Variants in SYT9 observed in about 807,000 individuals in gnomAD.
The protein encoded by SYT9 is synaptotagmin 9.
SYT9 carries 22 observed loss-of-function variants against 48.4 expected under a neutral mutation model. That is an observed-to-expected ratio of 0.45 (90% CI 0.32 to 0.65). The LOEUF (loss-of-function observed/expected upper bound fraction) is 0.65, where lower values mean the gene tolerates loss of function less well. SYT9 is among the 30% of genes least tolerant of loss of function. The probability of loss-of-function intolerance (pLI) is 0.03; values close to 1 mark genes in which losing one functional copy is unlikely to be tolerated. For missense variants in SYT9, 577 were observed against 622.0 expected, an observed-to-expected ratio of 0.93 and a Z score of 0.77; for synonymous variants, 265 against 245.0, an observed-to-expected ratio of 1.08 and a Z score of -0.76.
intron 3 of SYT9, among the ~76,000 whole-genome samples, chr11:7,324,915 T>C (rs181258839): frequency 9.3e-4 from 141 of 152,248 alleles, no homozygotes; most frequent in African/African-American, 3.4e-3. Flanking sequence ...ATTGATAAAA[T>C]GTGTTTTTCA....
chr11:7,351,719 A>G (rs1849919035), intron 3 of SYT9, among the ~76,000 whole-genome samples: 2 of 152,224 alleles, frequency 1.3e-5, no homozygotes, highest in African/African-American at 2.4e-5. Flanking sequence ...AGCAAGCAAA[A>G]TATCCTCAAA....
At chr11:7,323,064 G>A (rs890210887) in intron 3 of SYT9, among the ~76,000 whole-genome samples, 4 of 151,878 alleles carry the variant, frequency 2.6e-5, no homozygotes, top group African/African-American at 9.7e-5. Context: ...ATATTATATG[G>A]TCTACAACAA....
chr11:7,441,534 G>C (rs66854429), intron 6 of SYT9: 23,558 of 152,144 alleles, frequency 0.15, 2,081 homozygotes, highest in African/African-American at 0.22. Flanking sequence ...GGTTAAGGAT[G>C]GGGGGTTCCG....
chr11:7,282,888 G>A (rs986585636), intron 1 of SYT9, among the ~76,000 whole-genome samples: 1 of 150,506 alleles, frequency 6.6e-6, no homozygotes, highest in African/African-American at 2.5e-5. Flanking sequence ...AATTATCCAA[G>A]TAATATATGC....
chr11:7,313,321 T>C, intron 2 of SYT9, 74 bp from the exon 3 acceptor site: 4 of 1,471,064 alleles, frequency 2.7e-6, no homozygotes, highest in Non-Finnish European at 3.6e-6. Flanking sequence ...TCTACCTACA[T>C]CCCAGGCAAA....
At chr11:7,391,803 C>T (rs1050260656) in intron 3 of SYT9, among the ~76,000 whole-genome samples, 2 of 145,256 alleles carry the variant, frequency 1.4e-5, no homozygotes, top group Non-Finnish European at 3.0e-5. Context: ...GTAGTCCCAG[C>T]TACTCGGGAA....
In SYT9 at chr11:7,344,005, C is replaced by T. The variant is rs1849757492; in HGVS notation, c.1044+30064C>T. Among the ~76,000 whole-genome samples the T allele has an allele frequency of 2.0e-5, 3 of 152,182 alleles. No homozygotes were observed. In the South Asian group the frequency reaches 6.2e-4, roughly 32 times the overall value. On this transcript the variant is annotated intron_variant, in intron 3 of 6. Coordinates refer to ENST00000318881, the MANE Select transcript of SYT9 (RefSeq NM_175733.4). ...AACTGCCCTCATGATTCAATTATCT[C>T]CCACCAGGTCCCTCTCACAACACAT...
chr11:7,295,471 A>G (rs1848783425), intron 1 of SYT9, among the ~76,000 whole-genome samples: 1 of 152,216 alleles, frequency 6.6e-6, no homozygotes, highest in South Asian at 2.1e-4. Flanking sequence ...TACTGTTCAT[A>G]TACTACCAAC....
At chr11:7,353,131 G>A (rs1849949326) in intron 3 of SYT9, among the ~76,000 whole-genome samples, 1 of 152,118 alleles carries the variant, frequency 6.6e-6, no homozygotes, top group South Asian at 2.1e-4. Flanking sequence ...GAAAAGTCAA[G>A]TTGGGACCTT....
At chr11:7,402,341 C>T (rs61888609) in intron 3 of SYT9, among the ~76,000 whole-genome samples, 23,187 of 151,906 alleles carry the variant, frequency 0.15, 2,199 homozygotes, top group Middle Eastern at 0.36. Flanking sequence ...TCAGTTAGGT[C>T]ATGTTGATTG....
intron 6 of SYT9, chr11:7,435,566 T>G (rs1350931588): frequency 1.3e-5 from 2 of 152,218 alleles, no homozygotes; most frequent in Non-Finnish European, 2.9e-5. Flanking sequence ...AATAACTGTA[T>G]TCCATAACTG....
chr11:7,371,945 C>A (rs1389390286), intron 3 of SYT9, among the ~76,000 whole-genome samples: 3 of 152,030 alleles, frequency 2.0e-5, no homozygotes, highest in South Asian at 2.1e-4. Flanking sequence ...TGTTTTCTTG[C>A]TAATATGAAT....
At chr11:7,411,318 T>C (rs1847133277) in intron 3 of SYT9, among the ~76,000 whole-genome samples, 1 of 152,232 alleles carries the variant, frequency 6.6e-6, no homozygotes, top group Admixed American at 6.5e-5. Context: ...CTCATTTGTG[T>C]GTTTGGTGTA....
Position 7,466,818 on chromosome 11 carries a change from G to A in SYT9, c.*18G>A, listed in dbSNP as rs1848346282. On this transcript the variant is annotated 3_prime_UTR_variant, in exon 7 of 7. Coordinates refer to ENST00000318881, the MANE Select transcript of SYT9 (RefSeq NM_175733.4). Reference sequence around the variant, plus strand: ...AACGATGACCATGGGTAAGAGGACTGCTTGTGCCAAGGACAAAATAGGACA... The same window carrying A: ...AACGATGACCATGGGTAAGAGGACTACTTGTGCCAAGGACAAAATAGGACA... The A allele has an allele frequency of 6.2e-7, 1 of 1,612,228 alleles. No individual in the cohort carries two copies. The highest frequency in any genetic ancestry group is 1.1e-5 in the South Asian group (1 of 90,288).
chr11:7,406,557 T>C (rs1365989939), intron 3 of SYT9, among the ~76,000 whole-genome samples: 1 of 148,712 alleles, frequency 6.7e-6, no homozygotes, highest in African/African-American at 2.5e-5. Flanking sequence ...TATATATATA[T>C]ATATATATAT....
At chr11:7,318,374 C>A (rs996712306) in intron 3 of SYT9, among the ~76,000 whole-genome samples, 1 of 151,600 alleles carries the variant, frequency 6.6e-6, no homozygotes, top group South Asian at 2.1e-4. Context: ...AGTGCAATGG[C>A]GCAATCAAGG....
intron 3 of SYT9, among the ~76,000 whole-genome samples, chr11:7,396,282 T>A (rs1024781139): frequency 1.3e-5 from 2 of 152,160 alleles, no homozygotes; most frequent in African/African-American, 4.8e-5. Flanking sequence ...GCTGTATTTT[T>A]GCTTTTCCTA....
chr11:7,446,856 T>A (rs1423448567), intron 6 of SYT9, among the ~76,000 whole-genome samples: 3 of 152,234 alleles, frequency 2.0e-5, no homozygotes, highest in Non-Finnish European at 4.4e-5. Flanking sequence ...TCCGCAGGCC[T>A]CCTGCAATCA....
chr11:7,406,072 C>G (rs1847002692), intron 3 of SYT9, among the ~76,000 whole-genome samples: 1 of 152,010 alleles, frequency 6.6e-6, no homozygotes, highest in South Asian at 2.1e-4. Flanking sequence ...ATATGGGGTA[C>G]ATATGAATAT....
Sources: allele counts gnomAD v4.1 joint callset (sites outside exome capture counted in the v4.1 genomes callset), GRCh38; gene constraint gnomAD v4.1.1; transcripts MANE v1.5; gene names NCBI Gene and HGNC (gene_info 2026-07-23, HGNC 2026-07-21).